The following PCDH7 variants were observed in gnomAD, a reference collection of about 807,000 sequenced individuals.
PCDH7 encodes protocadherin 7, also known as protocadherin-7.
A neutral mutation model predicts 58.9 loss-of-function variants in PCDH7; 17 were observed. The observed-to-expected ratio is 0.29, with a 90% CI of 0.20 to 0.43. The LOEUF is 0.43. PCDH7 is among the 20% of genes least tolerant of loss of function. The pLI, the probability that PCDH7 is intolerant of heterozygous loss-of-function variation, is 1.00. For synonymous variants in PCDH7, 664 were observed against 616.4 expected, an observed-to-expected ratio of 1.08 and a Z score of -1.14; for missense variants, 1,274 against 1,441.0, an observed-to-expected ratio of 0.88 and a Z score of 1.88.
At chr4:30,927,861 A>C (rs548906003) in intron 2 of PCDH7, among the ~76,000 whole-genome samples, 7 of 151,650 alleles carry the variant, frequency 4.6e-5, no homozygotes, top group African/African-American at 7.3e-5. Flanking sequence ...AATAAAAAAA[A>C]CCAAAAAACA....
chr4:31,132,664 A>G (rs530523208), intron 3 of PCDH7, among the ~76,000 whole-genome samples: 93 of 152,290 alleles, frequency 6.1e-4, no homozygotes, highest in African/African-American at 2.0e-3. Flanking sequence ...TTCTAGTAAA[A>G]TCATTATCAT....
intron 3 of PCDH7, among the ~76,000 whole-genome samples, chr4:31,111,072 C>A (rs1716239196): frequency 6.6e-6 from 1 of 151,862 alleles, no homozygotes; most frequent in Non-Finnish European, 1.5e-5. Context: ...ATAGTGTCAC[C>A]GTGAAGAATA....
chr4:31,087,071 T>A (rs1306710531), intron 3 of PCDH7, among the ~76,000 whole-genome samples: 2 of 152,182 alleles, frequency 1.3e-5, no homozygotes, highest in African/African-American at 4.8e-5. Flanking sequence ...ATAACTGTTC[T>A]CTGCATTGTG....
intron 3 of PCDH7, among the ~76,000 whole-genome samples, chr4:31,074,059 T>C (rs1459744370): frequency 6.6e-6 from 1 of 151,960 alleles, no homozygotes; most frequent in Non-Finnish European, 1.5e-5. Context: ...TTCCCCAAGA[T>C]TCACATGGTT....
intron 1 of PCDH7, among the ~76,000 whole-genome samples, chr4:30,805,281 G>C (rs1350276106): frequency 6.6e-6 from 1 of 152,112 alleles, no homozygotes; most frequent in African/African-American, 2.4e-5. Context: ...TAAAGGTGAA[G>C]GCATATGGTA....
At chr4:30,861,788 A>T (rs1734231660) in intron 1 of PCDH7, among the ~76,000 whole-genome samples, 1 of 152,126 alleles carries the variant, frequency 6.6e-6, no homozygotes, top group South Asian at 2.1e-4. Context: ...TAGTTGGTAT[A>T]TGTTCAATGG....
At chr4:31,061,987 TGTGTC>T (rs918362496) in intron 3 of PCDH7, among the ~76,000 whole-genome samples, 3 of 151,744 alleles carry the variant, frequency 2.0e-5, no homozygotes, top group African/African-American at 7.2e-5. Flanking sequence ...CATTTAATAA[TGTGTC>T]GGAAAGCAAA....
chr4:30,892,120 T>C (rs553385380), intron 1 of PCDH7, among the ~76,000 whole-genome samples: 1 of 152,214 alleles, frequency 6.6e-6, no homozygotes, highest in South Asian at 2.1e-4. Flanking sequence ...ACTGGGTTGT[T>C]GCAGTAAATC....
chr4:31,103,248 GA>G (rs1715123743), intron 3 of PCDH7, among the ~76,000 whole-genome samples: 1 of 152,054 alleles, frequency 6.6e-6, no homozygotes, highest in Admixed American at 6.6e-5. Flanking sequence ...TCTATAATTA[GA>G]AAGCTTAGAG....
At chr4:30,990,452 T>C (rs1751373939) in intron 3 of PCDH7, among the ~76,000 whole-genome samples, 1 of 152,156 alleles carries the variant, frequency 6.6e-6, no homozygotes, top group Non-Finnish European at 1.5e-5. Flanking sequence ...CCATGTGTGA[T>C]AGAAAAAGAA....
intron 1 of PCDH7, 58 bp downstream of exon 1, chr4:30,724,654 A>C (rs755025772): frequency 2.0e-5 from 31 of 1,550,796 alleles, no homozygotes; most frequent in Admixed American, 9.7e-5. Flanking sequence ...ACTCTGAGAC[A>C]GATTATCTTC....
chr4:30,997,414 T>G (rs568020799), intron 3 of PCDH7, among the ~76,000 whole-genome samples: 1 of 152,282 alleles, frequency 6.6e-6, no homozygotes, highest in South Asian at 2.1e-4. Context: ...GATTGTGTTT[T>G]AATAGCTTTA....
intron 1 of PCDH7, among the ~76,000 whole-genome samples, chr4:30,842,119 C>A (rs1004163387): frequency 3.9e-5 from 6 of 152,100 alleles, no homozygotes; most frequent in Non-Finnish European, 1.5e-5. Context: ...GGGCTCAAGT[C>A]TTCCACCTCT....
At chr4:30,837,136 T>C (rs979891115) in intron 1 of PCDH7, among the ~76,000 whole-genome samples, 2 of 152,128 alleles carry the variant, frequency 1.3e-5, no homozygotes, top group Non-Finnish European at 2.9e-5. Context: ...TCAATGATTG[T>C]ATGATAAGTA....
chr4:30,975,143 T>TTGTGTGTGTG (rs35675648), intron 3 of PCDH7, among the ~76,000 whole-genome samples: 1,623 of 138,784 alleles, frequency 0.012, 30 homozygotes, highest in Non-Finnish European at 0.014. Flanking sequence ...TTCCCTTTCA[T>TTGTGTGTGTG]TGTGTGTGTG....
chr4:31,062,831 C>A (rs1048038586), intron 3 of PCDH7, among the ~76,000 whole-genome samples: 16 of 151,684 alleles, frequency 1.1e-4, no homozygotes, highest in Non-Finnish European at 7.4e-5. Context: ...TAAGTAAAAT[C>A]AAAAACTTCG....
chr4:30,797,260 T>G (rs557941471), intron 1 of PCDH7, among the ~76,000 whole-genome samples: 2 of 150,494 alleles, frequency 1.3e-5, no homozygotes, highest in African/African-American at 4.9e-5. Flanking sequence ...TTTGTTTTGT[T>G]TGGTTTTGTT....
intron 1 of PCDH7, among the ~76,000 whole-genome samples, chr4:30,774,721 G>T (rs1167456992): frequency 6.6e-6 from 1 of 152,162 alleles, no homozygotes; most frequent in East Asian, 1.9e-4. Context: ...TTTATGACAA[G>T]AAATAGAAGA....
intron 3 of PCDH7, among the ~76,000 whole-genome samples, chr4:31,094,792 C>T (rs961280244): frequency 6.7e-6 from 1 of 150,214 alleles, no homozygotes; most frequent in Non-Finnish European, 1.5e-5. Flanking sequence ...TACACATTTC[C>T]TTTTAAATCC....
Sources: allele counts gnomAD v4.1 joint callset (sites outside exome capture counted in the v4.1 genomes callset), GRCh38; gene constraint gnomAD v4.1.1; transcripts MANE v1.5; gene names NCBI Gene and HGNC (gene_info 2026-07-23, HGNC 2026-07-21).